Variants in MCC observed in about 807,000 individuals in gnomAD.
MCC encodes MCC regulator of Wnt signaling pathway.
MCC carries 90 observed loss-of-function variants against 116.2 expected under a neutral mutation model. That is an observed-to-expected ratio of 0.77 (90% CI 0.65 to 0.92). The LOEUF is 0.92. Among genes scored for constraint, MCC ranks in the 40% least tolerant of loss-of-function variants. The pLI, the probability that MCC is intolerant of heterozygous loss-of-function variation, is 0.00. For missense variants in MCC, 1,516 were observed against 1,312.2 expected (o/e 1.16, Z -2.40); for synonymous variants, 578 against 510.5 (o/e 1.13, Z -1.78).
Position 113,024,909 on chromosome 5 carries a change from C to G in MCC, c.*2393G>C, listed in dbSNP as rs1476894300. On this transcript the variant is annotated 3_prime_UTR_variant, in exon 19 of 19. Transcript: ENST00000408903. ...ATTTATAAAAAATTAACACTTTTGC[C>G]TGCAAAATAGTTTTTACCCAAATCA... 2.0e-5 allele frequency: 3 copies of G among 152,078 alleles called. No homozygotes were observed. The highest frequency in any genetic ancestry group is 4.4e-5 in the Non-Finnish European group (3 of 68,028). The allele number at this position is 152,078 out of a possible 1,614,324, so 9.4% of individuals were successfully genotyped here. A position where few individuals can be genotyped will look rare whatever the true frequency, so the allele number is the denominator to read the frequency against.
At chr5:113,476,677 G>A (rs1218524323) in intron 1 of MCC, among the ~76,000 whole-genome samples, 1 of 152,142 alleles carries the variant, frequency 6.6e-6, no homozygotes, top group Non-Finnish European at 1.5e-5. Flanking sequence ...AAAGGCCACA[G>A]AATGTACAAT....
In MCC at chr5:113,190,407, C is replaced by T. The variant is rs182692468; in HGVS notation, c.628-38985G>A. ...TACATAGCAAAGGCAAAATCACATG[C>T]GGAAGGAGGGGCTATAAGGATTCTC... is the stretch of plus-strand genomic sequence containing the variant. On this transcript the variant is annotated intron_variant, in intron 3 of 18. Coordinates refer to ENST00000408903, the MANE Select transcript of MCC (RefSeq NM_001085377.2). Among the ~76,000 whole-genome samples, 289 of 152,154 alleles carry T rather than the reference C, an allele frequency of 1.9e-3. 2 individuals are homozygous for T. Among genetic ancestry groups the T allele is most frequent in the African/African-American group, 6.1e-3 (255 of 41,498 alleles).
chr5:113,134,163 T>C (rs1199232559), intron 5 of MCC, among the ~76,000 whole-genome samples: 1 of 152,256 alleles, frequency 6.6e-6, no homozygotes, highest in East Asian at 1.9e-4. Context: ...CTCAATGTCC[T>C]AGTGCATTTC....
chr5:113,061,838 C>A (rs992197170), intron 14 of MCC, among the ~76,000 whole-genome samples: 12 of 152,180 alleles, frequency 7.9e-5, no homozygotes, highest in African/African-American at 2.7e-4. Context: ...AGCTCCAACT[C>A]AGAAAGATCC....
intron 1 of MCC, among the ~76,000 whole-genome samples, chr5:113,445,972 C>A (rs1771205854): frequency 6.6e-6 from 1 of 152,086 alleles, no homozygotes; most frequent in Admixed American, 6.5e-5. Flanking sequence ...TAATTTTTGA[C>A]AAAGTTGACA....
At chr5:113,192,512 C>T (rs953040422) in intron 3 of MCC, among the ~76,000 whole-genome samples, 2 of 152,190 alleles carry the variant, frequency 1.3e-5, no homozygotes, top group African/African-American at 4.8e-5. Flanking sequence ...TTCGTGTGTA[C>T]TTGTATATGT....
intron 1 of MCC, chr5:113,433,603 G>A (rs1770736005): frequency 8.5e-7 from 1 of 1,178,284 alleles, no homozygotes; most frequent in African/African-American, 1.6e-5. Flanking sequence ...CCAAGTTCAA[G>A]GGGAGAGAGA....
chr5:113,067,097 C>G (rs1442622320), intron 13 of MCC, among the ~76,000 whole-genome samples: 1 of 152,180 alleles, frequency 6.6e-6, no homozygotes, highest in Non-Finnish European at 1.5e-5. Context: ...CTGCCGCTTC[C>G]TAGAATGACA....
intron 3 of MCC, among the ~76,000 whole-genome samples, chr5:113,275,808 A>T (rs1765801197): frequency 6.6e-6 from 1 of 152,152 alleles, no homozygotes; most frequent in Non-Finnish European, 1.5e-5. Context: ...TATATATATA[A>T]AGGACTTTAA....
intron 11 of MCC, among the ~76,000 whole-genome samples, chr5:113,080,120 T>A (rs370405518): frequency 1.3e-5 from 2 of 152,270 alleles, no homozygotes; most frequent in East Asian, 3.9e-4. Flanking sequence ...CTCACACCAG[T>A]TAGAATGGCA....
At chr5:113,090,752 C>T (rs1157303364) in intron 8 of MCC, among the ~76,000 whole-genome samples, 1 of 152,226 alleles carries the variant, frequency 6.6e-6, no homozygotes, top group African/African-American at 2.4e-5. Flanking sequence ...AGCTATGTAA[C>T]TGTACACAAC....
In MCC at chr5:113,488,418, C is replaced by T. The variant is rs761418082; in HGVS notation, c.-4G>A. The T allele has an allele frequency of 2.8e-5, 39 of 1,401,748 alleles. No homozygotes were observed. The highest frequency in any genetic ancestry group is 3.4e-5 in the Non-Finnish European group (37 of 1,091,056). The allele number at this position is 1,401,748 out of a possible 1,614,324, so 86.8% of individuals were successfully genotyped here. ...CTGCCGCCGCGGCCGCCATCATGCG[C>T]CCGCTCCCTACTTGGGAGGAGGAGT... On this transcript the variant is annotated 5_prime_UTR_variant, in exon 1 of 19. Coordinates refer to ENST00000408903, the MANE Select transcript of MCC (RefSeq NM_001085377.2).
intron 3 of MCC, among the ~76,000 whole-genome samples, chr5:113,273,618 T>C (rs950130542): frequency 2.6e-5 from 4 of 152,108 alleles, no homozygotes; most frequent in Admixed American, 6.5e-5. Context: ...TTTAGATGTG[T>C]GTGTGTAGAG....
At chr5:113,359,704 G>A (rs1209132681) in intron 2 of MCC, among the ~76,000 whole-genome samples, 5 of 152,230 alleles carry the variant, frequency 3.3e-5, no homozygotes, top group Admixed American at 1.3e-4. Flanking sequence ...TAAGCAAGAA[G>A]GTTGATTCAG....
chr5:113,444,197 A>G (rs1004919602), intron 1 of MCC, among the ~76,000 whole-genome samples: 1 of 152,130 alleles, frequency 6.6e-6, no homozygotes, highest in Non-Finnish European at 1.5e-5. Flanking sequence ...GATGGTACAA[A>G]TACAGGTTAC....
chr5:113,128,080 A>G (rs1255766221), intron 5 of MCC, among the ~76,000 whole-genome samples: 2 of 152,268 alleles, frequency 1.3e-5, no homozygotes, highest in African/African-American at 2.4e-5. Context: ...AGAAGAGGGA[A>G]AAGTCAATGG....
Position 113,101,904 on chromosome 5 carries a change from A to T in MCC, c.1233T>A (p.Tyr411Ter). Residue 411 changes from tyrosine to a stop codon, truncating the protein, a stop_gained, in exon 8 of 19, where the codon TAT becomes TAA. Coordinates refer to ENST00000408903, the MANE Select transcript of MCC (RefSeq NM_001085377.2). LOFTEE classifies it high-confidence loss of function. Reference protein sequence around the residue: ...EIEGVLGRDLYPNLAEERSRW... With the variant: ...EIEGVLGRDL ...GAGACCTCTCTTCAGCCAGGTTGGG[A>T]TACAGGTCCCGGCCAAGCACCCCCT... is the stretch of plus-strand genomic sequence containing the variant. 6.2e-7 allele frequency: 1 copy of T among 1,613,848 alleles called. No homozygotes were observed. Among genetic ancestry groups the T allele is most frequent in the East Asian group, 2.2e-5 (1 of 44,856 alleles).
intron 1 of MCC, among the ~76,000 whole-genome samples, chr5:113,451,769 T>G (rs1009488507): frequency 6.6e-6 from 1 of 152,202 alleles, no homozygotes; most frequent in Non-Finnish European, 1.5e-5. Context: ...AGGCTTGGAA[T>G]AATCACATCA....
chr5:113,365,680 A>G (rs185546817), intron 2 of MCC, among the ~76,000 whole-genome samples: 25 of 152,326 alleles, frequency 1.6e-4, no homozygotes, highest in Admixed American at 3.3e-4. Context: ...TAATTTATAA[A>G]GAAAAGAGGT....
Sources: gnomAD v4.1 joint callset for allele counts (sites outside exome capture counted in the v4.1 genomes callset) on GRCh38, gnomAD v4.1.1 for gene constraint, MANE v1.5 for transcripts, NCBI Gene and HGNC (gene_info 2026-07-23, HGNC 2026-07-21) for gene names.